Variants in MGAT5 observed in about 807,000 individuals in gnomAD.
MGAT5 encodes alpha-1,6-mannosylglycoprotein 6-beta-N-acetylglucosaminyltransferase.
Under a neutral mutation model 94.3 loss-of-function variants are expected in MGAT5, and 30 were observed. The ratio of observed to expected loss-of-function variants is 0.32; its 90% CI spans 0.24 to 0.43. The LOEUF is 0.43. Ranked by LOEUF, MGAT5 falls within the 20% of genes least tolerant of loss-of-function variation. The pLI is 1.00. For synonymous variants in MGAT5, 310 were observed against 322.9 expected (o/e 0.96, Z 0.43); for missense variants, 691 against 905.5 (o/e 0.76, Z 3.04).
At chr2:134,267,288 T>G (rs748685333) in intron 1 of MGAT5, among the ~76,000 whole-genome samples, 1 of 152,230 alleles carries the variant, frequency 6.6e-6, no homozygotes, top group Non-Finnish European at 1.5e-5. Context: ...TAATCACCTC[T>G]GCTAAGTTAT....
At chr2:134,240,040 T>C (rs1212835432) in intron 1 of MGAT5, among the ~76,000 whole-genome samples, 2 of 152,108 alleles carry the variant, frequency 1.3e-5, no homozygotes, top group Non-Finnish European at 2.9e-5. Flanking sequence ...AGATGAATAT[T>C]CTTGATATGA....
chr2:134,223,853 T>G (rs112663847), intron 1 of MGAT5, among the ~76,000 whole-genome samples: 1,685 of 152,320 alleles, frequency 0.011, 21 homozygotes, highest in African/African-American at 0.037. Context: ...ATAGGCTATT[T>G]TAGTTTCAGT....
At chr2:134,372,396 A>G (rs907424319) in intron 10 of MGAT5, among the ~76,000 whole-genome samples, 1 of 152,220 alleles carries the variant, frequency 6.6e-6, no homozygotes, top group East Asian at 1.9e-4. Flanking sequence ...TTTCAGTGAT[A>G]TATCTCTCAA....
chr2:134,146,509 A>G (rs182503421), intron 1 of MGAT5, among the ~76,000 whole-genome samples: 39 of 152,152 alleles, frequency 2.6e-4, no homozygotes, highest in African/African-American at 9.2e-4. Flanking sequence ...GCAGTGAGCT[A>G]TGATAGCACC....
chr2:134,201,816 CTTTTTTTTT>C (rs554227745), intron 1 of MGAT5, among the ~76,000 whole-genome samples: 1 of 67,876 alleles, frequency 1.5e-5, no homozygotes, highest in African/African-American at 7.3e-5. Flanking sequence ...CCAAGCGCTG[CTTTTTTTTT>C]TTTTTTTTTT....
At chr2:134,320,264 A>T (rs1403023686) in intron 4 of MGAT5, among the ~76,000 whole-genome samples, 25 of 152,216 alleles carry the variant, frequency 1.6e-4, no homozygotes, top group Admixed American at 1.6e-3. Flanking sequence ...GCGTAAGGCT[A>T]GGTTTGGGAG....
intron 7 of MGAT5, among the ~76,000 whole-genome samples, chr2:134,342,525 G>T (rs1295432548): frequency 1.3e-5 from 2 of 152,106 alleles, no homozygotes; most frequent in Admixed American, 1.3e-4. Flanking sequence ...GCCAAGGTAG[G>T]TAGATCACTT....
chr2:134,390,460 C>T (rs1307709106), intron 10 of MGAT5, among the ~76,000 whole-genome samples: 2 of 152,246 alleles, frequency 1.3e-5, no homozygotes, highest in African/African-American at 2.4e-5. Context: ...CCCATTAACT[C>T]GTCATTTACA....
At chr2:134,120,581 C>T (rs554225465) in intron 1 of MGAT5, among the ~76,000 whole-genome samples, 1 of 152,052 alleles carries the variant, frequency 6.6e-6, no homozygotes, top group African/African-American at 2.4e-5. Flanking sequence ...CCCCCCGCCC[C>T]GTGACGAGGG....
rs1323337272 is a variant in MGAT5 at position 134,454,263 on chromosome 2, T to A, written c.*5416T>A. ...AGCGTGTCAGGAACCTCAGAGCAGC[T>A]TCACATCTGCCAAAGCTGAGAGGGA... On this transcript the variant is annotated 3_prime_UTR_variant, in exon 16 of 16. Transcript: ENST00000281923. 6.6e-6 allele frequency: 1 copy of A among 152,254 alleles called. No homozygotes were observed. Among genetic ancestry groups the A allele is most frequent in the Non-Finnish European group, 1.5e-5 (1 of 68,044 alleles). The allele number at this position is 152,254 out of a possible 1,614,324, so 9.4% of individuals were successfully genotyped here. A position where few individuals can be genotyped will look rare whatever the true frequency, so the allele number is the denominator to read the frequency against.
At chr2:134,362,195 TG>T in intron 9 of MGAT5, 79 bp from the exon 10 acceptor site, 2 of 1,507,426 alleles carry the variant, frequency 1.3e-6, no homozygotes, top group Non-Finnish European at 1.8e-6. Flanking sequence ...ATGGGTAAGA[TG>T]GCCTGTGTTA....
chr2:134,238,072 T>A (rs1483638220), intron 1 of MGAT5, among the ~76,000 whole-genome samples: 3 of 152,064 alleles, frequency 2.0e-5, no homozygotes, highest in African/African-American at 7.2e-5. Context: ...TTTCTAGACT[T>A]GTTCCATTTA....
chr2:134,266,543 A>G (rs1381301578), intron 1 of MGAT5, among the ~76,000 whole-genome samples: 1 of 152,266 alleles, frequency 6.6e-6, no homozygotes, highest in Non-Finnish European at 1.5e-5. Flanking sequence ...AAGTTGTGAT[A>G]AAACTGTTAA....
chr2:134,159,755 G>C lies in MGAT5; in HGVS notation c.-143+39464G>C, dbSNP rs538933863. On this transcript the variant is annotated intron_variant, in intron 1 of 16. Coordinates refer to the MGAT5 transcript ENST00000409645. Reference sequence around the variant, plus strand: ...GCTGCCCCTCTCCACTCCCGCCCCAGAGGTGGAGGTTGCAGTGAGTGGAGA... The same window carrying C: ...GCTGCCCCTCTCCACTCCCGCCCCACAGGTGGAGGTTGCAGTGAGTGGAGA... Among the ~76,000 whole-genome samples the C allele has an allele frequency of 2.6e-5, 4 of 152,304 alleles. No individual in the cohort carries two copies. In the East Asian group the frequency reaches 7.7e-4, roughly 29 times the overall value.
intron 1 of MGAT5, among the ~76,000 whole-genome samples, chr2:134,144,105 T>A (rs1686793850): frequency 6.6e-6 from 1 of 152,190 alleles, no homozygotes; most frequent in African/African-American, 2.4e-5. Flanking sequence ...TGAAGCTCAC[T>A]GGGCTCCAAG....
At chr2:134,148,757 A>C (rs1175163619) in intron 1 of MGAT5, among the ~76,000 whole-genome samples, 18 of 121,056 alleles carry the variant, frequency 1.5e-4, no homozygotes, top group Admixed American at 1.4e-3. Context: ...TCTCTTTCTT[A>C]GGTTTTTTTT....
chr2:134,157,076 C>A (rs907956944), intron 1 of MGAT5, among the ~76,000 whole-genome samples: 1 of 152,108 alleles, frequency 6.6e-6, no homozygotes, highest in Non-Finnish European at 1.5e-5. Flanking sequence ...TTAATATAAG[C>A]AAGTGATTGA....
At chr2:134,410,696 C>A (rs1683598959) in intron 11 of MGAT5, among the ~76,000 whole-genome samples, 1 of 152,150 alleles carries the variant, frequency 6.6e-6, no homozygotes, top group Admixed American at 6.5e-5. Flanking sequence ...AAATTTTTCC[C>A]AAGATTTTCT....
intron 1 of MGAT5, among the ~76,000 whole-genome samples, chr2:134,267,748 G>A (rs1406787994): frequency 6.6e-6 from 1 of 152,206 alleles, no homozygotes; most frequent in African/African-American, 2.4e-5. Context: ...CATCAGCATT[G>A]GCTCATGTTC....
Sources: allele counts gnomAD v4.1 joint callset (sites outside exome capture counted in the v4.1 genomes callset), GRCh38; gene constraint gnomAD v4.1.1; transcripts MANE v1.5; gene names NCBI Gene and HGNC (gene_info 2026-07-23, HGNC 2026-07-21).